Variants in PLEKHG6 observed in about 807,000 individuals in gnomAD.
The protein encoded by PLEKHG6 is pleckstrin homology domain-containing family G member 6.
Under a neutral mutation model 97.5 loss-of-function variants are expected in PLEKHG6, and 91 were observed. The observed-to-expected ratio is 0.93, with a 90% CI of 0.79 to 1.11. The LOEUF (loss-of-function observed/expected upper bound fraction) is 1.11, where lower values mean the gene tolerates loss of function less well. PLEKHG6 is among the 50% of genes most tolerant of loss of function. The pLI is 0.00. For synonymous variants in PLEKHG6, 466 were observed against 425.5 expected (o/e 1.10, Z -1.17); for missense variants, 1,044 against 1,031.0 (o/e 1.01, Z -0.17).
rs1014271909 is a variant in PLEKHG6 at position 6,327,323 on chromosome 12, T to C, written c.1740T>C (p.Leu580=). Residue 580 remains leucine (L), a synonymous_variant, in exon 15 of 16, where the codon CTT becomes CTC. Coordinates refer to ENST00000684764, the MANE Select transcript of PLEKHG6 (RefSeq NM_001384598.1). ...VTEDTDEDAP[L]VPDDTSDSGY... The stretch of plus-strand genomic sequence containing the variant: ...AAGACACAGATGAAGATGCTCCCCT[T>C]GTGCCAGATGATACCTCAGACTCTG... The C allele has an allele frequency of 1.2e-6, 2 of 1,614,026 alleles. No individual in the cohort carries two copies. Among genetic ancestry groups the C allele is most frequent in the Non-Finnish European group, 1.7e-6 (2 of 1,179,940 alleles).
At chr12:6,326,816 A>AG (rs1342956249) in intron 14 of PLEKHG6, among the ~76,000 whole-genome samples, 14 of 152,190 alleles carry the variant, frequency 9.2e-5, no homozygotes, top group African/African-American at 3.4e-4. Flanking sequence ...AGAGTCACAC[A>AG]GGAGCACTGT....
chr12:6,316,931 G>A lies in PLEKHG6; in HGVS notation c.757-372G>A, dbSNP rs1038112898. On this transcript the variant is annotated intron_variant, in intron 7 of 15. Transcript: ENST00000684764. This position sits in a 1 kb window ranked among gnomAD's most constrained non-coding sequence, Gnocchi z 4.1. ...CCCCCTCCATAGGAGCAAGGCTTCT[G>A]AGCCAACTCTTAGGTCGCCACCCCA... Among the ~76,000 whole-genome samples the A allele has an allele frequency of 8.5e-5, 13 of 152,182 alleles. No individual in the cohort carries two copies. Among genetic ancestry groups the A allele is most frequent in the African/African-American group, 2.9e-4 (12 of 41,452 alleles).
At chr12:6,319,147 TC>T in intron 13 of PLEKHG6, 39 bp downstream of exon 13, 1 of 1,371,034 alleles carries the variant, frequency 7.3e-7, no homozygotes, top group Non-Finnish European at 1.0e-6. Context: ...TGGGCAGGGG[TC>T]CCCGGAGCTC....
In PLEKHG6 at chr12:6,315,086, C is replaced by T. The variant is rs755397917; in HGVS notation, c.376C>T (p.Arg126Trp). The T allele has an allele frequency of 8.7e-6, 14 of 1,613,364 alleles. No homozygotes were observed. The South Asian group carries it at 8.8e-5, about 10-fold the overall frequency. Residue 126 changes from arginine (R) to tryptophan (W), a missense_variant, in exon 4 of 16, where the codon CGG becomes TGG. Physicochemically the swap from Arg to Trp is moderately radical, Grantham distance 101 (BLOSUM62 -3). Coordinates refer to ENST00000684764, the MANE Select transcript of PLEKHG6 (RefSeq NM_001384598.1). This position sits in a 1 kb window ranked among gnomAD's most constrained non-coding sequence, Gnocchi z 4.5. ...FGMPRLPPED[R>W]RHWEIGEGGD... ...GATGCCCCGGCTGCCCCCTGAGGAC[C>T]GGCGGCACTGGGAGATAGGAGAGGG... is the stretch of plus-strand genomic sequence containing the variant.
In PLEKHG6 at chr12:6,322,005, G is replaced by GTTTCGTC. The variant is rs778532253; in HGVS notation, c.1524+2897_1524+2898insTTTCGTC. Among the ~76,000 whole-genome samples the GTTTCGTC allele has an allele frequency of 2.2e-3, 335 of 152,166 alleles. 2 individuals are homozygous for GTTTCGTC. Among genetic ancestry groups the GTTTCGTC allele is most frequent in the Non-Finnish European group, 4.0e-3 (274 of 68,004 alleles). On this transcript the variant is annotated intron_variant, in intron 13 of 15. Transcript: ENST00000684764. ...CTTCAATTTCGTCATCTGCAAAACA[G>GTTTCGTC]ATATACACAATGACTACCTGCTTCC...
chr12:6,328,013 A>C, intron 15 of PLEKHG6, 67 bp downstream of exon 15: 1 of 1,501,384 alleles, frequency 6.7e-7, no homozygotes, highest in Admixed American at 1.7e-5. Flanking sequence ...GGTGGGGTGT[A>C]GTATAGAAAG....
chr12:6,310,884 G>A (rs992389913), intron 1 of PLEKHG6, 36 bp downstream of exon 1: 1 of 152,786 alleles, frequency 6.5e-6, no homozygotes, highest in African/African-American at 2.4e-5. Flanking sequence ...CCGGGGGCGG[G>A]GCGGCCGGGA....
At position 6,316,723 on chromosome 12, in the gene PLEKHG6, TG is replaced by T. The variant is rs11291708; in HGVS notation, c.756+322del. ...AAGTGAGGGGACCCTTAGGAGGACC[TG>T]GGTGGGTGTAAAAGGCCACAGGAGG... On this transcript the variant is annotated intron_variant, in intron 7 of 15. Coordinates refer to ENST00000684764, the MANE Select transcript of PLEKHG6 (RefSeq NM_001384598.1). The surrounding 1 kb of genome is among the most constrained non-coding windows in gnomAD (Gnocchi z 4.1). 0.55 allele frequency among the ~76,000 whole-genome samples: 83,837 copies of T among 151,852 alleles called. 23,678 individuals carry two copies. Among genetic ancestry groups the T allele is most frequent in the Non-Finnish European group, 0.61 (41,716 of 67,920 alleles).
intron 13 of PLEKHG6, among the ~76,000 whole-genome samples, chr12:6,325,696 C>T (rs940611361): frequency 6.6e-6 from 1 of 152,150 alleles, no homozygotes; most frequent in Non-Finnish European, 1.5e-5. Context: ...GCAACCAGTA[C>T]CAATTCAGAA....
At chr12:6,326,046 C>T (rs1431296156) in intron 13 of PLEKHG6, among the ~76,000 whole-genome samples, 1 of 152,162 alleles carries the variant, frequency 6.6e-6, no homozygotes, top group African/African-American at 2.4e-5. Context: ...GTGGCTTACA[C>T]GTCTAATTCC....
At chr12:6,325,080 T>TA in intron 13 of PLEKHG6, among the ~76,000 whole-genome samples, 1 of 152,270 alleles carries the variant, frequency 6.6e-6, no homozygotes, top group Non-Finnish European at 1.5e-5. Context: ...CAAGTCCTGA[T>TA]ATCAGTGCTG....
In PLEKHG6 at chr12:6,322,315, G is replaced by A. The variant is rs144415953; in HGVS notation, c.1524+3207G>A. ...ATTGAGGCAGCCAAGATATAACCTA[G>A]TGGAGATATCTTAGGGGCTTTGGGA... On this transcript the variant is annotated intron_variant, in intron 13 of 15. Coordinates refer to ENST00000684764, the MANE Select transcript of PLEKHG6 (RefSeq NM_001384598.1). Among the ~76,000 whole-genome samples the A allele has an allele frequency of 2.1e-4, 32 of 152,328 alleles. No homozygotes were observed. In the East Asian group the frequency reaches 5.6e-3, roughly 27 times the overall value.
intron 9 of PLEKHG6, 45 bp from the exon 10 acceptor site, chr12:6,317,812 G>A (rs975614587): frequency 1.3e-6 from 2 of 1,538,190 alleles, no homozygotes; most frequent in Non-Finnish European, 1.8e-6. Context: ...GGTTGGGAGG[G>A]GACGGCTGAG....
chr12:6,316,059 C>A lies in PLEKHG6; in HGVS notation c.606+140C>A. 1.1e-6 allele frequency: 1 copy of A among 924,138 alleles called. No homozygotes were observed. Among genetic ancestry groups the A allele is most frequent in the Non-Finnish European group, 1.6e-6 (1 of 619,060 alleles). The allele number at this position is 924,138 out of a possible 1,614,324, so 57.2% of individuals were successfully genotyped here. On this transcript the variant is annotated intron_variant, in intron 6 of 15. Transcript: ENST00000684764. This position sits in a 1 kb window ranked among gnomAD's most constrained non-coding sequence, Gnocchi z 4.1. ...CCTTGCCCTCCCTACTTCCCTGTTA[C>A]TGGGGACTCCAAGCAGGCCACAGGC...
chr12:6,313,903 T>A, intron 3 of PLEKHG6, 119 bp downstream of exon 3: 1 of 904,734 alleles, frequency 1.1e-6, no homozygotes, highest in South Asian at 1.8e-5. Context: ...TGCCTGCCAG[T>A]CAGACATGGC....
intron 13 of PLEKHG6, among the ~76,000 whole-genome samples, chr12:6,324,306 C>CCAA (rs1947800806): frequency 6.6e-6 from 1 of 151,674 alleles, no homozygotes; most frequent in Non-Finnish European, 1.5e-5. Context: ...CCCCCCGCCG[C>CCAA]CTCCTCCAGC....
intron 13 of PLEKHG6, chr12:6,319,736 G>C: frequency 6.8e-7 from 1 of 1,472,584 alleles, no homozygotes; most frequent in East Asian, 2.5e-5. Flanking sequence ...CATTTACAGG[G>C]CACTTGCTGA....
chr12:6,327,532 C>T lies in PLEKHG6; in HGVS notation c.1949C>T (p.Pro650Leu), dbSNP rs758677134. ...APQRRSAPEL[P>L]EGILKGGSLP... The stretch of plus-strand genomic sequence containing the variant: ...CAACGCCGAAGCGCCCCCGAACTGC[C>T]GGAAGGAATCCTAAAAGGAGGCAGT... The change falls in exon 15 of 16, where the codon CCG becomes CTG. Residue 650 changes from proline (P) to leucine (L), a missense_variant. Coordinates refer to ENST00000684764, the MANE Select transcript of PLEKHG6 (RefSeq NM_001384598.1). 6 of 1,609,896 alleles carry T rather than the reference C, an allele frequency of 3.7e-6. No homozygotes were observed. The highest frequency in any genetic ancestry group is 4.5e-5 in the East Asian group (2 of 44,632).
At chr12:6,313,231 A>G in intron 2 of PLEKHG6, 1 of 1,521,340 alleles carries the variant, frequency 6.6e-7, no homozygotes, top group Non-Finnish European at 8.9e-7. Flanking sequence ...GGTCATAGAC[A>G]AGGAGAGTTA....
Sources: allele counts gnomAD v4.1 joint callset (sites outside exome capture counted in the v4.1 genomes callset), GRCh38; gene constraint gnomAD v4.1.1; non-coding constraint Gnocchi (gnomAD v3.1); transcripts MANE v1.5; gene names NCBI Gene and HGNC (gene_info 2026-07-23, HGNC 2026-07-21).